The following FUT8 variants were observed in gnomAD, a reference collection of about 807,000 sequenced individuals.
FUT8 encodes the protein alpha-(1,6)-fucosyltransferase.
FUT8 carries 29 observed loss-of-function variants against 71.3 expected under a neutral mutation model. The ratio of observed to expected loss-of-function variants is 0.41; its 90% CI spans 0.30 to 0.55. The LOEUF is 0.55. Among genes scored for constraint, FUT8 ranks in the 20% least tolerant of loss-of-function variants. The pLI is 0.34. For missense variants in FUT8, 544 were observed against 702.1 expected (o/e 0.77, Z 2.55); for synonymous variants, 254 against 239.3 (o/e 1.06, Z -0.57).
intron 3 of FUT8, among the ~76,000 whole-genome samples, chr14:65,611,531 T>C (rs565713814): frequency 2.0e-5 from 3 of 152,250 alleles, no homozygotes; most frequent in African/African-American, 4.8e-5. Flanking sequence ...GCTCTTTTTT[T>C]CTTAGTTTCT....
intron 2 of FUT8, among the ~76,000 whole-genome samples, chr14:65,496,727 C>T (rs989130377): frequency 8.5e-5 from 13 of 152,224 alleles, no homozygotes; most frequent in Middle Eastern, 3.4e-3. Flanking sequence ...CAATTTTGGG[C>T]AGTTCTTCAT....
chr14:65,721,667 T>C, intron 7 of FUT8, 108 bp from the exon 8 acceptor site: 1 of 1,080,688 alleles, frequency 9.3e-7, no homozygotes, highest in Non-Finnish European at 1.4e-6. Context: ...AAGATTATAC[T>C]TCTTTAGAGT....
chr14:65,631,215 T>G (rs1160709576), intron 6 of FUT8, among the ~76,000 whole-genome samples: 2 of 152,322 alleles, frequency 1.3e-5, no homozygotes, highest in East Asian at 1.9e-4. Flanking sequence ...ACCATCATCC[T>G]TATTTAAAAT....
chr14:65,599,854 A>G (rs570544574), intron 3 of FUT8, among the ~76,000 whole-genome samples: 3 of 152,360 alleles, frequency 2.0e-5, no homozygotes, highest in Admixed American at 6.5e-5. Flanking sequence ...ATTTACAATA[A>G]TCGTTAATTT....
rs1397491560 is a variant in FUT8, at chr14:65,489,993, A to G, written c.-228+34275A>G. ...GCAAAAATAATAAAATATTAATTAT[A>G]TAGTCAAAAATAGCTTTTAACTATG... On this transcript the variant is annotated intron_variant, in intron 2 of 10. Coordinates refer to ENST00000673929, the MANE Select transcript of FUT8 (RefSeq NM_001371533.1). The surrounding 1 kb of genome is among the most constrained non-coding windows in gnomAD (Gnocchi z 4.0). Among the ~76,000 whole-genome samples, 1 of 152,124 alleles carries G rather than the reference A, an allele frequency of 6.6e-6. No individual in the cohort carries two copies. The highest frequency in any genetic ancestry group is 1.5e-5 in the Non-Finnish European group (1 of 67,986).
At chr14:65,577,863 T>G (rs891047781) in intron 3 of FUT8, among the ~76,000 whole-genome samples, 11 of 152,258 alleles carry the variant, frequency 7.2e-5, no homozygotes, top group Non-Finnish European at 1.5e-4. Flanking sequence ...CTCATAATTC[T>G]TCTCTCATAA....
At chr14:65,437,223 C>T (rs1409705552) in intron 1 of FUT8, among the ~76,000 whole-genome samples, 1 of 152,082 alleles carries the variant, frequency 6.6e-6, no homozygotes, top group African/African-American at 2.4e-5. Context: ...TACTGATTAG[C>T]CACAGCTTTT....
At chr14:65,500,681 T>C (rs941601319) in intron 2 of FUT8, among the ~76,000 whole-genome samples, 1 of 152,220 alleles carries the variant, frequency 6.6e-6, no homozygotes, top group African/African-American at 2.4e-5. Flanking sequence ...TTGTATAGTC[T>C]TCTTTGGACT....
At chr14:65,435,410 GA>G (rs2065539961) in intron 1 of FUT8, among the ~76,000 whole-genome samples, 1 of 152,170 alleles carries the variant, frequency 6.6e-6, no homozygotes, top group African/African-American at 2.4e-5. Flanking sequence ...AATTCATTGA[GA>G]TTCATTTATG....
At chr14:65,381,221 GC>G in the FUT8 span, among the ~76,000 whole-genome samples, 2 of 152,082 alleles carry the variant, frequency 1.3e-5, no homozygotes, top group African/African-American at 4.8e-5. Context: ...TCAATAATAG[GC>G]TTTTTCTCTT....
At chr14:65,398,722 C>G in the FUT8 span, among the ~76,000 whole-genome samples, 5 of 150,818 alleles carry the variant, frequency 3.3e-5, no homozygotes, top group African/African-American at 1.2e-4. Flanking sequence ...AGAGCAGACT[C>G]CATCTCAAAA....
chr14:65,544,610 A>G (rs1884877731), intron 2 of FUT8, among the ~76,000 whole-genome samples: 1 of 152,128 alleles, frequency 6.6e-6, no homozygotes, highest in African/African-American at 2.4e-5. Context: ...TGTATCAGTA[A>G]ACACAGCCTG....
Position 65,714,265 on chromosome 14 carries a change from A to G in FUT8, c.836-7510A>G, listed in dbSNP as rs562230485. Among the ~76,000 whole-genome samples the G allele has an allele frequency of 2.6e-5, 4 of 152,210 alleles. No homozygotes were observed. The South Asian group carries it at 8.3e-4, about 32-fold the overall frequency. On this transcript the variant is annotated intron_variant, in intron 7 of 10. Transcript: ENST00000673929. ...ATGCTAGAGCCATGCTGTTTTGGTT[A>G]CTATAGCTCCACGTTTTTATGCTAG... is the stretch of plus-strand genomic sequence containing the variant.
chr14:65,684,221 G>A (rs1319794586), intron 7 of FUT8, among the ~76,000 whole-genome samples: 1 of 151,884 alleles, frequency 6.6e-6, no homozygotes, highest in African/African-American at 2.4e-5. Context: ...CTGTATTTTA[G>A]TAGTGGAATT....
At chr14:65,443,409 C>CA (rs71126747) in intron 1 of FUT8, among the ~76,000 whole-genome samples, 89,335 of 135,850 alleles carry the variant, frequency 0.66, 28,869 homozygotes, top group East Asian at 0.77. Flanking sequence ...GACTCCATCT[C>CA]AAAAAAAAAA....
chr14:65,573,182 A>C (rs1337594379), intron 3 of FUT8, among the ~76,000 whole-genome samples: 2 of 152,092 alleles, frequency 1.3e-5, no homozygotes, highest in African/African-American at 4.8e-5. Context: ...TATCATGTAG[A>C]GAAACATTTC....
At chr14:65,461,498 A>G (rs1278170580) in intron 2 of FUT8, among the ~76,000 whole-genome samples, 2 of 152,228 alleles carry the variant, frequency 1.3e-5, no homozygotes, top group East Asian at 1.9e-4. Context: ...CTCAGTGTCC[A>G]TGAAACTATG....
intron 3 of FUT8, among the ~76,000 whole-genome samples, chr14:65,563,375 C>A (rs1886019949): frequency 6.6e-6 from 1 of 152,026 alleles, no homozygotes; most frequent in Non-Finnish European, 1.5e-5. Context: ...AACCATTTTA[C>A]AGATTAACAA....
chr14:65,446,174 C>G (rs1241625052), intron 1 of FUT8, among the ~76,000 whole-genome samples: 2 of 152,220 alleles, frequency 1.3e-5, no homozygotes, highest in Non-Finnish European at 1.5e-5. Context: ...TCTCATCTGT[C>G]TCTTTTTCTT....
Sources: allele counts gnomAD v4.1 joint callset (sites outside exome capture counted in the v4.1 genomes callset), GRCh38; gene constraint gnomAD v4.1.1; non-coding constraint Gnocchi (gnomAD v3.1); transcripts MANE v1.5; gene names NCBI Gene and HGNC (gene_info 2026-07-23, HGNC 2026-07-21).